Variants in TMPRSS11E observed in about 807,000 individuals in gnomAD.
TMPRSS11E encodes the protein transmembrane protease serine 11E.
TMPRSS11E carries 38 observed loss-of-function variants against 48.1 expected under a neutral mutation model. That is an observed-to-expected ratio of 0.79 (90% CI 0.61 to 1.04). TMPRSS11E has a LOEUF of 1.04. Ranked by LOEUF, TMPRSS11E falls within the 50% of genes least tolerant of loss-of-function variation. The pLI, the probability that TMPRSS11E is intolerant of heterozygous loss-of-function variation, is 0.00. For missense variants in TMPRSS11E, 530 were observed against 510.8 expected (o/e 1.04, Z -0.36); for synonymous variants, 158 against 171.9 (o/e 0.92, Z 0.63).
At chr4:68,474,674 AG>A in intron 5 of TMPRSS11E, 48 bp from the exon 6 acceptor site, 2 of 1,563,366 alleles carry the variant, frequency 1.3e-6, no homozygotes, top group Non-Finnish European at 1.7e-6. Flanking sequence ...TCGGAGGCAT[AG>A]TGTAACTCTG....
intron 9 of TMPRSS11E, among the ~76,000 whole-genome samples, chr4:68,482,683 G>A (rs1222353875): frequency 6.6e-6 from 1 of 150,880 alleles, no homozygotes; most frequent in Non-Finnish European, 1.5e-5. Flanking sequence ...GAGGTGGGAA[G>A]ATTGATTGAT....
At chr4:68,469,062 C>T in intron 4 of TMPRSS11E, 116 bp downstream of exon 4, 4 of 867,728 alleles carry the variant, frequency 4.6e-6, no homozygotes, top group Non-Finnish European at 7.6e-6. Flanking sequence ...ACATTTGACA[C>T]TTGTCCTGTG....
chr4:68,490,506 G>A (rs747900151), intron 9 of TMPRSS11E, among the ~76,000 whole-genome samples: 54 of 152,168 alleles, frequency 3.5e-4, no homozygotes, highest in African/African-American at 1.2e-3. Flanking sequence ...ATGCTCAGGT[G>A]AGGGACTAAT....
chr4:68,475,929 G>A (rs1428749660), intron 6 of TMPRSS11E, among the ~76,000 whole-genome samples: 1 of 152,120 alleles, frequency 6.6e-6, no homozygotes, highest in Non-Finnish European at 1.5e-5. Context: ...CATACAGAGT[G>A]TGTTTGTTAT....
chr4:68,494,842 C>T (rs1247562433), intron 9 of TMPRSS11E, among the ~76,000 whole-genome samples: 3 of 152,096 alleles, frequency 2.0e-5, no homozygotes, highest in Non-Finnish European at 4.4e-5. Context: ...GGTGCTAAGG[C>T]AATATACACA....
chr4:68,462,546 G>A (rs755158691), intron 2 of TMPRSS11E, among the ~76,000 whole-genome samples: 9 of 151,590 alleles, frequency 5.9e-5, no homozygotes, highest in Non-Finnish European at 1.3e-4. Flanking sequence ...TCACACCGCT[G>A]CACTCCAGTC....
rs192387030 is a variant in TMPRSS11E at position 68,474,819 on chromosome 4, A to G, written c.529+58A>G. ...CCTGAAGGTAAAAAGCTAACACTATAGGTCATTTAGGTTTACTTTGTGTTG... is the reference window on the plus strand; with the variant it reads ...CCTGAAGGTAAAAAGCTAACACTATGGGTCATTTAGGTTTACTTTGTGTTG... On this transcript the variant is annotated intron_variant, in intron 6 of 9. Coordinates refer to ENST00000305363, the MANE Select transcript of TMPRSS11E (RefSeq NM_014058.4). 5.4e-5 allele frequency: 75 copies of G among 1,389,216 alleles called. No individual in the cohort carries two copies. In the African/African-American group the frequency reaches 9.5e-4, roughly 18 times the overall value. 86.1% of individuals were successfully genotyped at this position (1,389,216 alleles called of 1,614,324 possible).
At chr4:68,494,744 G>T (rs1729822073) in intron 9 of TMPRSS11E, among the ~76,000 whole-genome samples, 1 of 152,180 alleles carries the variant, frequency 6.6e-6, no homozygotes, top group African/African-American at 2.4e-5. Flanking sequence ...CTTGCACAGT[G>T]TAGGCAGGCA....
chr4:68,463,427 G>A (rs1401630478), intron 2 of TMPRSS11E, among the ~76,000 whole-genome samples: 1 of 152,000 alleles, frequency 6.6e-6, no homozygotes, highest in Non-Finnish European at 1.5e-5. Flanking sequence ...TCAGCCTCCT[G>A]AGTAGCTGAG....
intron 1 of TMPRSS11E, among the ~76,000 whole-genome samples, chr4:68,455,019 A>G (rs1168835043): frequency 1.3e-5 from 2 of 151,938 alleles, no homozygotes; most frequent in Non-Finnish European, 2.9e-5. Flanking sequence ...ACTGTACTGA[A>G]TGGTAGAACT....
chr4:68,490,616 G>T (rs978493526), intron 9 of TMPRSS11E, among the ~76,000 whole-genome samples: 2 of 152,116 alleles, frequency 1.3e-5, no homozygotes, highest in Non-Finnish European at 2.9e-5. Flanking sequence ...ACATCATGGG[G>T]TAGTGATTTC....
At chr4:68,464,347 A>G (rs1438460289) in intron 2 of TMPRSS11E, among the ~76,000 whole-genome samples, 1 of 152,158 alleles carries the variant, frequency 6.6e-6, no homozygotes, top group African/African-American at 2.4e-5. Flanking sequence ...AGCCCAGGAC[A>G]ATGTAGAATT....
chr4:68,452,840 A>G (rs1184061879), intron 1 of TMPRSS11E, among the ~76,000 whole-genome samples: 2 of 152,018 alleles, frequency 1.3e-5, no homozygotes, highest in Non-Finnish European at 2.9e-5. Context: ...TGATTCAACA[A>G]TAAAGCTATA....
At chr4:68,490,751 CT>C (rs1158277585) in intron 9 of TMPRSS11E, among the ~76,000 whole-genome samples, 80 of 69,322 alleles carry the variant, frequency 1.2e-3, no homozygotes, top group Admixed American at 1.8e-3. Context: ...TCAGCATATT[CT>C]TTTTTTTTTT....
chr4:68,472,816 T>A (rs1729111161), intron 5 of TMPRSS11E, among the ~76,000 whole-genome samples: 1 of 152,054 alleles, frequency 6.6e-6, no homozygotes, highest in Non-Finnish European at 1.5e-5. Context: ...GATATAACAC[T>A]TTTCTTTCTT....
At chr4:68,487,986 TC>T (rs1729609801) in intron 9 of TMPRSS11E, among the ~76,000 whole-genome samples, 1 of 146,950 alleles carries the variant, frequency 6.8e-6, no homozygotes, top group African/African-American at 2.5e-5. Context: ...TGAGTATAGG[TC>T]CCCAATCTCT....
Position 68,476,306 on chromosome 4 carries a change from T to G in TMPRSS11E, c.575T>G (p.Ile192Ser). The change falls in exon 7 of 10, where the codon ATC becomes AGC. Residue 192 changes from isoleucine (I) to serine (S), a missense_variant. Coordinates refer to ENST00000305363, the MANE Select transcript of TMPRSS11E (RefSeq NM_014058.4). ...RSKTLGQSLR[I>S]VGGTEVEEGE... The stretch of plus-strand genomic sequence containing the variant: ...AAAACTCTAGGTCAGAGTCTCAGGA[T>G]CGTTGGTGGGACAGAAGTAGAAGAG... The G allele has an allele frequency of 1.2e-6, 2 of 1,614,122 alleles. No individual in the cohort carries two copies. Among genetic ancestry groups the G allele is most frequent in the Non-Finnish European group, 1.7e-6 (2 of 1,179,990 alleles).
intron 9 of TMPRSS11E, among the ~76,000 whole-genome samples, chr4:68,485,280 G>A (rs887152945): frequency 4.6e-5 from 7 of 151,998 alleles, no homozygotes; most frequent in Admixed American, 1.3e-4. Flanking sequence ...CTGAGTAGCT[G>A]GGATTACAGG....
At chr4:68,495,667 A>G (rs1438993101) in intron 9 of TMPRSS11E, among the ~76,000 whole-genome samples, 3 of 152,204 alleles carry the variant, frequency 2.0e-5, no homozygotes, top group Non-Finnish European at 4.4e-5. Context: ...GGAAGTTAGC[A>G]TAACGTAGGG....
Sources: allele counts gnomAD v4.1 joint callset (sites outside exome capture counted in the v4.1 genomes callset), GRCh38; gene constraint gnomAD v4.1.1; transcripts MANE v1.5; gene names NCBI Gene and HGNC (gene_info 2026-07-23, HGNC 2026-07-21).